The following BLTP3A variants were observed in gnomAD, a reference collection of about 807,000 sequenced individuals.
The protein encoded by BLTP3A is ICBP90 binding protein 1.
At chr6:34,800,679 T>A in the BLTP3A span, among the ~76,000 whole-genome samples, 1 of 152,154 alleles carries the variant, frequency 6.6e-6, no homozygotes, top group Non-Finnish European at 1.5e-5. Flanking sequence ...AATCAATCAG[T>A]ATCTATAGTA....
the BLTP3A span, chr6:34,858,471 T>C: frequency 1.2e-6 from 2 of 1,614,190 alleles, no homozygotes; most frequent in Non-Finnish European, 8.5e-7. Flanking sequence ...CCTTGGACTT[T>C]GAGGGAACAG....
At chr6:34,802,875 TA>T in the BLTP3A span, among the ~76,000 whole-genome samples, 6 of 151,960 alleles carry the variant, frequency 3.9e-5, no homozygotes, top group Non-Finnish European at 7.4e-5. Flanking sequence ...ATATTATATG[TA>T]AAAAAAATCA....
the BLTP3A span, among the ~76,000 whole-genome samples, chr6:34,865,115 G>A: frequency 6.6e-6 from 1 of 152,036 alleles, no homozygotes; most frequent in African/African-American, 2.4e-5. Flanking sequence ...TAACATCTCC[G>A]TCACCTCAAA....
At chr6:34,797,050 A>G in the BLTP3A span, among the ~76,000 whole-genome samples, 2 of 152,174 alleles carry the variant, frequency 1.3e-5, no homozygotes, top group Non-Finnish European at 2.9e-5. Flanking sequence ...GAAGAATAAT[A>G]CATACCTAGT....
At chr6:34,872,910 G>A in the BLTP3A span, 4 of 153,156 alleles carry the variant, frequency 2.6e-5, no homozygotes. Flanking sequence ...CTGAGCTTTG[G>A]CCATGGTAGT....
At chr6:34,792,126 T>TGGCGGCGGCGGCGGCGGCAGC in the BLTP3A span, 1 of 709,718 alleles carries the variant, frequency 1.4e-6, no homozygotes, top group Non-Finnish European at 2.0e-6. Flanking sequence ...GAAAGCGCCA[T>TGGCGGCGGCGGCGGCGGCAGC]GGCGGCGGCG....
At chr6:34,862,307 C>T in the BLTP3A span, among the ~76,000 whole-genome samples, 1 of 151,294 alleles carries the variant, frequency 6.6e-6, no homozygotes, top group Non-Finnish European at 1.5e-5. Flanking sequence ...ACCTGGGAGG[C>T]GGAGCTTGCA....
chr6:34,867,719 G>T, the BLTP3A span: 2 of 1,411,308 alleles, frequency 1.4e-6, no homozygotes, highest in Non-Finnish European at 1.9e-6. Flanking sequence ...CACTCTACTA[G>T]TGCCAAGTTC....
the BLTP3A span, among the ~76,000 whole-genome samples, chr6:34,847,510 AT>A: frequency 6.6e-6 from 1 of 151,556 alleles, no homozygotes; most frequent in African/African-American, 2.4e-5. Flanking sequence ...CGGGTTTTGG[AT>A]TTCTTCATGG....
At chr6:34,792,297 G>A in the BLTP3A span, 9 of 1,542,184 alleles carry the variant, frequency 5.8e-6, no homozygotes, top group Non-Finnish European at 7.9e-6. Context: ...CTGTCCCGGT[G>A]AGAGCGCCAG....
the BLTP3A span, chr6:34,858,614 C>T: frequency 1.2e-6 from 2 of 1,614,028 alleles, no homozygotes; most frequent in Non-Finnish European, 1.7e-6. Context: ...CTGAAACCAT[C>T]AGCCAGTTTT....
At chr6:34,821,182 C>G in the BLTP3A span, among the ~76,000 whole-genome samples, 1 of 152,108 alleles carries the variant, frequency 6.6e-6, no homozygotes, top group Admixed American at 6.5e-5. Flanking sequence ...TCTCGAACTC[C>G]CGACCTCAGG....
chr6:34,865,234 C>G, the BLTP3A span, among the ~76,000 whole-genome samples: 1 of 152,184 alleles, frequency 6.6e-6, no homozygotes. Context: ...CCATCCTGCT[C>G]TCTGCTTTTA....
chr6:34,824,701 C>T, the BLTP3A span, among the ~76,000 whole-genome samples: 4 of 151,150 alleles, frequency 2.6e-5, no homozygotes, highest in East Asian at 1.9e-4. Context: ...GACAGGGTCT[C>T]GCTCTGTCAC....
chr6:34,862,259 C>G, the BLTP3A span, among the ~76,000 whole-genome samples: 3 of 151,846 alleles, frequency 2.0e-5, no homozygotes. Flanking sequence ...TGCCTGTAGT[C>G]CAGCTACTCG....
chr6:34,855,735 G>A, the BLTP3A span: 54 of 1,611,550 alleles, frequency 3.4e-5, no homozygotes, highest in Non-Finnish European at 4.2e-5. Context: ...GCCAATTCTC[G>A]CATAGCCCAA....
the BLTP3A span, among the ~76,000 whole-genome samples, chr6:34,846,480 A>G: frequency 1.3e-5 from 2 of 152,022 alleles, no homozygotes; most frequent in Non-Finnish European, 2.9e-5. Context: ...TTTGTTATAG[A>G]GATCTTTCAC....
chr6:34,842,736 C>G, the BLTP3A span, among the ~76,000 whole-genome samples: 2 of 152,020 alleles, frequency 1.3e-5, no homozygotes, highest in African/African-American at 4.8e-5. Context: ...GCAGCACTGA[C>G]AGTGAGTTCA....
At chr6:34,825,512 A>G in the BLTP3A span, among the ~76,000 whole-genome samples, 1 of 152,184 alleles carries the variant, frequency 6.6e-6, no homozygotes. Context: ...TCACCATGTT[A>G]GTCAGGCTGG....
Sources: gnomAD v4.1 joint callset for allele counts (sites outside exome capture counted in the v4.1 genomes callset) on GRCh38, gnomAD v4.1.1 for gene constraint, MANE v1.5 for transcripts, NCBI Gene and HGNC (gene_info 2026-07-23, HGNC 2026-07-21) for gene names.